SLC4A8: variants seen among roughly 807,000 people sequenced by gnomAD.
SLC4A8 encodes the protein solute carrier family 4 member 8.
In SLC4A8, 40 loss-of-function variants were observed where a neutral mutation model predicts 125.0. The ratio of observed to expected loss-of-function variants is 0.32; its 90% CI spans 0.25 to 0.42. The LOEUF is 0.42. Among genes scored for constraint, SLC4A8 ranks in the 10% least tolerant of loss-of-function variants. SLC4A8 has a pLI of 1.00. For synonymous variants in SLC4A8, 456 were observed against 476.0 expected (o/e 0.96, Z 0.55); for missense variants, 863 against 1,355.1 (o/e 0.64, Z 5.70).
chr12:51,473,860 T>G (rs1950781628), intron 14 of SLC4A8, among the ~76,000 whole-genome samples: 2 of 152,214 alleles, frequency 1.3e-5, no homozygotes, highest in Admixed American at 6.5e-5. Flanking sequence ...ACATCACGAT[T>G]CCAGGAGACT....
At chr12:51,400,811 C>T (rs1185180732) in intron 1 of SLC4A8, among the ~76,000 whole-genome samples, 3 of 88,254 alleles carry the variant, frequency 3.4e-5, no homozygotes, top group African/African-American at 1.0e-4. Flanking sequence ...CATATATAAA[C>T]ATATATGTTT....
intron 11 of SLC4A8, chr12:51,466,320 T>C (rs1000125928): frequency 5.3e-5 from 8 of 152,154 alleles, no homozygotes; most frequent in African/African-American, 1.9e-4. Flanking sequence ...TTCTGTCCCT[T>C]ATTGGGGATG....
chr12:51,400,753 T>C (rs1948361685), intron 1 of SLC4A8, among the ~76,000 whole-genome samples: 1 of 5,662 alleles, frequency 1.8e-4, no homozygotes, highest in African/African-American at 1.1e-3. Flanking sequence ...TATATATATA[T>C]ATATATATAT....
intron 22 of SLC4A8, among the ~76,000 whole-genome samples, chr12:51,498,068 C>T (rs1444250886): frequency 1.3e-5 from 2 of 150,736 alleles, no homozygotes; most frequent in African/African-American, 4.9e-5. Flanking sequence ...AAAAAGATGA[C>T]TTTTTTTTCC....
chr12:51,423,980 G>A (rs1948858471), upstream of SLC4A8, among the ~76,000 whole-genome samples: 1 of 124,616 alleles, frequency 8.0e-6, no homozygotes, highest in South Asian at 2.6e-4. Flanking sequence ...AGGTTGCAGT[G>A]ATCCAAGAAC....
intron 5 of SLC4A8, among the ~76,000 whole-genome samples, chr12:51,456,921 A>G (rs1950168198): frequency 6.6e-6 from 1 of 152,146 alleles, no homozygotes; most frequent in Non-Finnish European, 1.5e-5. Flanking sequence ...AATTACAGCA[A>G]TGTTAAAATC....
intron 12 of SLC4A8, among the ~76,000 whole-genome samples, 198 bp from the exon 13 acceptor site, chr12:51,470,194 G>C (rs1260169548): frequency 2.6e-5 from 4 of 152,272 alleles, no homozygotes; most frequent in South Asian, 4.1e-4. Context: ...TGTGTCAATG[G>C]AGCTGGGCAC....
chr12:51,451,985 C>T, intron 3 of SLC4A8, 139 bp from the exon 4 acceptor site: 1 of 788,532 alleles, frequency 1.3e-6, no homozygotes, highest in Non-Finnish European at 2.0e-6. Flanking sequence ...GTAGCTTTTT[C>T]TCTGAGAATA....
chr12:51,417,150 A>G (rs1029709622), intron 1 of SLC4A8, among the ~76,000 whole-genome samples: 3 of 152,118 alleles, frequency 2.0e-5, no homozygotes, highest in Non-Finnish European at 4.4e-5. Context: ...CATTACCATC[A>G]TCACACATGA....
intron 17 of SLC4A8, 134 bp downstream of exon 17, chr12:51,486,034 C>T (rs1951154370): frequency 1.8e-6 from 1 of 543,382 alleles, no homozygotes; most frequent in Non-Finnish European, 3.3e-6. Context: ...CTCCTCATAC[C>T]TTGTCATGTA....
rs1333824732 is a variant in SLC4A8 at position 51,404,866 on chromosome 12, TTTC to T, written c.-112+13381_-112+13383del. Among the ~76,000 whole-genome samples, 8 of 152,378 alleles carry T rather than the reference TTTC, an allele frequency of 5.3e-5. No individual in the cohort carries two copies. In the South Asian group the frequency reaches 6.2e-4, roughly 12 times the overall value. ...TTGTCTCTTTTTCTTTCCTTATTTT[TTTC>T]TTGTTTTGATTGAAATTTGTTTGAG... On this transcript the variant is annotated intron_variant, in intron 1 of 24. Transcript: ENST00000358657.
rs755302297 is a variant in SLC4A8 at position 51,488,815 on chromosome 12, G to A, written c.2403G>A (p.Gln801=). Reference sequence around the variant, plus strand: ...GTACTATCTTGATATTCATGGATCAGCAGATCACAGCCGTCATTATTAACA... The same window carrying A: ...GTACTATCTTGATATTCATGGATCAACAGATCACAGCCGTCATTATTAACA... ...LLCTILIFMD[Q]QITAVIINRK... is the part of the protein sequence containing the mutation. The change falls in exon 18 of 25, where the codon CAG becomes CAA. Residue 801 remains glutamine (Q), a synonymous_variant. Transcript: ENST00000453097. 1.2e-6 allele frequency: 2 copies of A among 1,613,662 alleles called. No individual in the cohort carries two copies. Among genetic ancestry groups the A allele is most frequent in the Admixed American group, 1.7e-5 (1 of 59,994 alleles).
chr12:51,476,966 G>A (rs1950875970), intron 16 of SLC4A8, among the ~76,000 whole-genome samples: 1 of 147,092 alleles, frequency 6.8e-6, no homozygotes, highest in African/African-American at 2.5e-5. Flanking sequence ...GGAGTGCGAT[G>A]GTACAATCTT....
intron 17 of SLC4A8, 141 bp from the exon 18 acceptor site, chr12:51,488,558 C>T: frequency 1.6e-6 from 1 of 624,488 alleles, no homozygotes; most frequent in Non-Finnish European, 2.7e-6. Flanking sequence ...TAAGGAGTTG[C>T]TGTATTTCAT....
chr12:51,469,559 C>T (rs1348348352), intron 11 of SLC4A8, 55 bp from the exon 12 acceptor site: 2 of 1,512,622 alleles, frequency 1.3e-6, no homozygotes, highest in African/African-American at 1.4e-5. Context: ...GTGCTGTTTA[C>T]ATGCTTTTAG....
chr12:51,425,169 G>A (rs1470585056), intron 1 of SLC4A8, 134 bp downstream of exon 1: 2 of 1,430,630 alleles, frequency 1.4e-6, no homozygotes, highest in Non-Finnish European at 1.8e-6. Flanking sequence ...AGGCCAGCCC[G>A]GGACACCAGG....
At chr12:51,451,351 C>T (rs1565785816) in intron 3 of SLC4A8, among the ~76,000 whole-genome samples, 1 of 152,144 alleles carries the variant, frequency 6.6e-6, no homozygotes, top group South Asian at 2.1e-4. Flanking sequence ...CCTCGTGATC[C>T]GCCTGCCTTG....
At chr12:51,483,596 G>A (rs1485940212) in intron 16 of SLC4A8, among the ~76,000 whole-genome samples, 1 of 148,622 alleles carries the variant, frequency 6.7e-6, no homozygotes, top group Non-Finnish European at 1.5e-5. Flanking sequence ...AATGAAATTT[G>A]CTCTAAATAA....
chr12:51,399,446 C>T (rs759345999), intron 1 of SLC4A8, among the ~76,000 whole-genome samples: 1 of 149,580 alleles, frequency 6.7e-6, no homozygotes, highest in Non-Finnish European at 1.5e-5. Flanking sequence ...TTGGCAAGTA[C>T]TTTAAATAGC....
Sources: allele counts gnomAD v4.1 joint callset (sites outside exome capture counted in the v4.1 genomes callset), GRCh38; gene constraint gnomAD v4.1.1; transcripts MANE v1.5; gene names NCBI Gene and HGNC (gene_info 2026-07-23, HGNC 2026-07-21).